Variants in FHOD3 observed in about 807,000 individuals in gnomAD.
The protein encoded by FHOD3 is FH1/FH2 domain-containing protein 3.
In FHOD3, 90 loss-of-function variants were observed where a neutral mutation model predicts 173.0. The observed-to-expected ratio is 0.52, with a 90% CI of 0.44 to 0.62. FHOD3 has a LOEUF of 0.62. Ranked by LOEUF, FHOD3 falls within the 20% of genes least tolerant of loss-of-function variation. The pLI is 0.00. For missense variants in FHOD3, 1,945 were observed against 2,034.7 expected, an observed-to-expected ratio of 0.96 and a Z score of 0.85; for synonymous variants, 828 against 823.0, an observed-to-expected ratio of 1.01 and a Z score of -0.10.
rs59441833 is a variant in FHOD3 at position 36,774,120 on chromosome 18, C to T, written c.4786+4694C>T. ...TTTTTCCTTTCGGGCCAAACTCTCC[C>T]TTTGCCCACCTCCAACATGACTCAT... On this transcript the variant is annotated intron_variant, in intron 28 of 28. Coordinates refer to ENST00000590592, the MANE Select transcript of FHOD3 (RefSeq NM_001281740.3). Among the ~76,000 whole-genome samples, 429 of 152,352 alleles carry T rather than the reference C, an allele frequency of 2.8e-3. 3 individuals are homozygous for T. The highest frequency in any genetic ancestry group is 9.8e-3 in the African/African-American group (407 of 41,580).
Position 36,718,544 on chromosome 18 carries a change from AAAG to A in FHOD3, c.3251_3253del (p.Lys1084del), listed in dbSNP as rs2040590036. ...GGGGTCAGCCCACATTCACTAAGAA[AAAG>A]AAGACCATCCGTTTGTTCTGGAATG... is the stretch of plus-strand genomic sequence containing the variant. On this transcript the variant is annotated inframe_deletion, in exon 19 of 29. Coordinates refer to ENST00000590592, the MANE Select transcript of FHOD3 (RefSeq NM_001281740.3). 4 of 1,614,068 alleles carry A rather than the reference AAAG, an allele frequency of 2.5e-6. No individual in the cohort carries two copies. Among genetic ancestry groups the A allele is most frequent in the South Asian group, 1.1e-5 (1 of 91,082 alleles).
intron 15 of FHOD3, among the ~76,000 whole-genome samples, chr18:36,686,049 C>A (rs1225899374): frequency 6.6e-6 from 1 of 151,990 alleles, no homozygotes; most frequent in Non-Finnish European, 1.5e-5. Context: ...TGTGGCGATT[C>A]CTCAGAGACC....
At chr18:36,382,710 C>G (rs1394941839) in intron 3 of FHOD3, among the ~76,000 whole-genome samples, 3 of 152,202 alleles carry the variant, frequency 2.0e-5, no homozygotes, top group Non-Finnish European at 4.4e-5. Flanking sequence ...TCCAATGAAT[C>G]TATTCAAACA....
intron 5 of FHOD3, among the ~76,000 whole-genome samples, chr18:36,522,954 T>TTTCTTTACC (rs1168255644): frequency 6.6e-6 from 1 of 152,236 alleles, no homozygotes. Flanking sequence ...TCGTCTTTGC[T>TTTCTTTACC]TTCTTTACCC....
At chr18:36,749,488 G>A (rs1179108104) in intron 24 of FHOD3, among the ~76,000 whole-genome samples, 3 of 152,200 alleles carry the variant, frequency 2.0e-5, no homozygotes, top group Non-Finnish European at 4.4e-5. Flanking sequence ...CTCCATCCAT[G>A]TTCCCACAAA....
intron 14 of FHOD3, among the ~76,000 whole-genome samples, chr18:36,665,182 T>C (rs188395714): frequency 6.6e-6 from 1 of 152,250 alleles, no homozygotes; most frequent in African/African-American, 2.4e-5. Context: ...TAATGAGGAC[T>C]AAATAAGTTT....
chr18:36,388,546 TC>T (rs2048137933), intron 3 of FHOD3, among the ~76,000 whole-genome samples: 1 of 152,204 alleles, frequency 6.6e-6, no homozygotes, highest in Non-Finnish European at 1.5e-5. Flanking sequence ...GGATTACTTT[TC>T]TTTTATAATG....
At chr18:36,738,284 A>T (rs190349587) in intron 20 of FHOD3, among the ~76,000 whole-genome samples, 1 of 152,234 alleles carries the variant, frequency 6.6e-6, no homozygotes, top group Admixed American at 6.5e-5. Context: ...AGCTACTACA[A>T]ATATTCATGT....
chr18:36,404,443 C>G (rs562601598), intron 3 of FHOD3, among the ~76,000 whole-genome samples: 1 of 152,162 alleles, frequency 6.6e-6, no homozygotes, highest in Non-Finnish European at 1.5e-5. Flanking sequence ...AAGACTTGGC[C>G]CAGCAGCTGA....
At chr18:36,514,826 G>A (rs1215132789) in intron 5 of FHOD3, among the ~76,000 whole-genome samples, 2 of 152,170 alleles carry the variant, frequency 1.3e-5, no homozygotes, top group African/African-American at 2.4e-5. Flanking sequence ...CCATTCCCTA[G>A]ACCTCACGTG....
At chr18:36,595,261 T>G (rs1194251493) in intron 7 of FHOD3, among the ~76,000 whole-genome samples, 2 of 152,140 alleles carry the variant, frequency 1.3e-5, no homozygotes, top group Non-Finnish European at 2.9e-5. Flanking sequence ...TCATTGCTTA[T>G]GACCCCCAGA....
chr18:36,319,035 G>A (rs1056623410), intron 1 of FHOD3, among the ~76,000 whole-genome samples: 29 of 152,162 alleles, frequency 1.9e-4, no homozygotes, highest in African/African-American at 4.8e-5. Flanking sequence ...TTATTGATTT[G>A]TGTATGTTGA....
At chr18:36,351,726 C>G (rs957091778) in intron 1 of FHOD3, among the ~76,000 whole-genome samples, 34 of 152,278 alleles carry the variant, frequency 2.2e-4, no homozygotes, top group African/African-American at 7.9e-4. Context: ...CAGTTTGGGG[C>G]TGGCACAAAG....
At chr18:36,474,597 A>G (rs893205916) in intron 3 of FHOD3, among the ~76,000 whole-genome samples, 7 of 152,104 alleles carry the variant, frequency 4.6e-5, no homozygotes, top group Non-Finnish European at 8.8e-5. Flanking sequence ...CCGAAACTGG[A>G]AAGGTCCATA....
chr18:36,667,578 CAGTG>C lies in FHOD3; in HGVS notation c.1835+9393_1835+9396del, dbSNP rs553855882. On this transcript the variant is annotated intron_variant, in intron 14 of 28. Coordinates refer to ENST00000590592, the MANE Select transcript of FHOD3 (RefSeq NM_001281740.3). The stretch of plus-strand genomic sequence containing the variant: ...CCAAATACTGTAGGCAGTTGTAACA[CAGTG>C]AGAAGTATTTCCGTATCTAAACATA... Among the ~76,000 whole-genome samples, 25 of 152,142 alleles carry C rather than the reference CAGTG, an allele frequency of 1.6e-4. No individual in the cohort carries two copies. In the South Asian group the frequency reaches 2.5e-3, roughly 15 times the overall value.
intron 5 of FHOD3, among the ~76,000 whole-genome samples, chr18:36,557,966 G>C (rs2057953882): frequency 6.6e-6 from 1 of 152,188 alleles, no homozygotes; most frequent in African/African-American, 2.4e-5. Flanking sequence ...AGATCCTTCT[G>C]ATTGTTGTGC....
intron 10 of FHOD3, among the ~76,000 whole-genome samples, chr18:36,633,065 A>G (rs1568524161): frequency 6.6e-6 from 1 of 152,174 alleles, no homozygotes; most frequent in Non-Finnish European, 1.5e-5. Flanking sequence ...CCGCATGCGC[A>G]GTGCCCTGCT....
chr18:36,301,990 T>C (rs2091966609), intron 1 of FHOD3, among the ~76,000 whole-genome samples: 1 of 152,210 alleles, frequency 6.6e-6, no homozygotes, highest in African/African-American at 2.4e-5. Context: ...GACATCAGCT[T>C]ACCAAGCCCA....
At chr18:36,556,697 A>G (rs2057900688) in intron 5 of FHOD3, among the ~76,000 whole-genome samples, 1 of 152,154 alleles carries the variant, frequency 6.6e-6, no homozygotes, top group Non-Finnish European at 1.5e-5. Flanking sequence ...GTAGCCAGCG[A>G]CCTTTTAAAG....
Sources: allele counts gnomAD v4.1 joint callset (sites outside exome capture counted in the v4.1 genomes callset), GRCh38; gene constraint gnomAD v4.1.1; transcripts MANE v1.5; gene names NCBI Gene and HGNC (gene_info 2026-07-23, HGNC 2026-07-21).